The following SLC9B1 variants were observed in gnomAD, a reference collection of about 807,000 sequenced individuals.
SLC9B1 encodes the protein sodium/hydrogen exchanger 9B1.
A neutral mutation model predicts 51.7 loss-of-function variants in SLC9B1; 32 were observed. The ratio of observed to expected loss-of-function variants is 0.62; its 90% confidence interval spans 0.47 to 0.83. The LOEUF (loss-of-function observed/expected upper bound fraction) is 0.83, where lower values mean the gene tolerates loss of function less well. Among genes scored for constraint, SLC9B1 ranks in the 40% least tolerant of loss-of-function variants. The pLI is 0.00. For missense variants in SLC9B1, 406 were observed against 613.2 expected (o/e 0.66, Z 3.57); for synonymous variants, 145 against 212.7 (o/e 0.68, Z 2.77).
intron 11 of SLC9B1, among the ~76,000 whole-genome samples, chr4:102,905,089 G>A (rs1734962633): frequency 6.6e-6 from 1 of 152,070 alleles, no homozygotes; most frequent in African/African-American, 2.4e-5. Context: ...AGGAGGTTGA[G>A]GCTGCAGTGA....
chr4:102,906,465 A>T (rs1578334871), intron 10 of SLC9B1, 71 bp downstream of exon 10: 1 of 800,076 alleles, frequency 1.2e-6, no homozygotes, highest in East Asian at 2.8e-5. Context: ...ATTGTAAATA[A>T]AAATAAATGT....
At chr4:102,885,323 A>G in exon 12 of SLC9B1, 1 of 1,614,088 alleles carries the variant, frequency 6.2e-7, no homozygotes, top group Non-Finnish European at 8.5e-7. Flanking sequence ...GGATAGCTTG[A>G]TTAATCTTAA....
At chr4:102,946,030 G>A (rs1484823647) in intron 5 of SLC9B1, among the ~76,000 whole-genome samples, 1 of 152,074 alleles carries the variant, frequency 6.6e-6, no homozygotes, top group Non-Finnish European at 1.5e-5. Flanking sequence ...AAAAATTACT[G>A]AAATCCTTAA....
intron 11 of SLC9B1, among the ~76,000 whole-genome samples, chr4:102,894,299 T>C (rs1215643282): frequency 1.3e-5 from 2 of 152,160 alleles, no homozygotes; most frequent in African/African-American, 4.8e-5. Context: ...AAGGAACCAG[T>C]AGGAATAGCT....
downstream of SLC9B1, among the ~76,000 whole-genome samples, chr4:102,895,996 C>T (rs569647501): frequency 1.9e-4 from 29 of 152,274 alleles, no homozygotes; most frequent in South Asian, 6.0e-3. Flanking sequence ...TTAAACATTG[C>T]CCAGACATGC....
At chr4:102,910,091 A>G (rs1735267009) in intron 9 of SLC9B1, among the ~76,000 whole-genome samples, 3 of 152,294 alleles carry the variant, frequency 2.0e-5, no homozygotes, top group Admixed American at 6.5e-5. Context: ...CTGGGATTAC[A>G]GGCATGAGCC....
intron 6 of SLC9B1, among the ~76,000 whole-genome samples, chr4:102,933,720 C>T (rs1454627274): frequency 6.6e-6 from 1 of 151,956 alleles, no homozygotes; most frequent in Non-Finnish European, 1.5e-5. Context: ...CAGCTGGCTT[C>T]CCCAGGAATA....
At chr4:102,903,188 T>C (rs1383388393) in intron 11 of SLC9B1, among the ~76,000 whole-genome samples, 1 of 152,202 alleles carries the variant, frequency 6.6e-6, no homozygotes. Context: ...TACCTGCTTT[T>C]CTTTTTTCCC....
intron 3 of SLC9B1, among the ~76,000 whole-genome samples, chr4:102,986,092 A>C (rs537697020): frequency 6.6e-6 from 1 of 152,290 alleles, no homozygotes; most frequent in South Asian, 2.1e-4. Flanking sequence ...TTTCTGATCT[A>C]CATCATTTTC....
chr4:102,948,881 A>G lies in SLC9B1; in HGVS notation c.382+376T>C, dbSNP rs1329928332. Among the ~76,000 whole-genome samples, 12 of 152,276 alleles carry G rather than the reference A, an allele frequency of 7.9e-5. No homozygotes were observed. The South Asian group carries it at 2.3e-3, about 29-fold the overall frequency. ...TGGGTATAGTATTCACTATTTGGTGATGGGTTCACTAGAGCCCAAATGTCA... is the reference window on the plus strand; with the variant it reads ...TGGGTATAGTATTCACTATTTGGTGGTGGGTTCACTAGAGCCCAAATGTCA... On this transcript the variant is annotated intron_variant, in intron 4 of 11. Coordinates refer to ENST00000296422, the MANE Select transcript of SLC9B1 (RefSeq NM_139173.4).
intron 7 of SLC9B1, among the ~76,000 whole-genome samples, chr4:102,927,487 C>G (rs1251324903): frequency 6.6e-6 from 1 of 152,234 alleles, no homozygotes; most frequent in African/African-American, 2.4e-5. Flanking sequence ...CTCATCATCA[C>G]TGGTCATCAG....
intron 6 of SLC9B1, 65 bp from the exon 7 acceptor site, chr4:102,932,364 A>G (rs1197331193): frequency 2.2e-6 from 3 of 1,351,890 alleles, no homozygotes; most frequent in Non-Finnish European, 3.1e-6. Flanking sequence ...TTATAAGTAC[A>G]AGTAGTTTAT....
chr4:102,959,994 G>T (rs58854574), intron 3 of SLC9B1, among the ~76,000 whole-genome samples: 3 of 145,372 alleles, frequency 2.1e-5, no homozygotes, highest in Admixed American at 6.9e-5. Context: ...CAAAATAAAA[G>T]TTTTTTTTTT....
At chr4:102,925,533 C>T (rs967237617) in intron 7 of SLC9B1, among the ~76,000 whole-genome samples, 7 of 151,910 alleles carry the variant, frequency 4.6e-5, no homozygotes, top group Non-Finnish European at 1.0e-4. Flanking sequence ...CACATGTACC[C>T]TAGAACTTAA....
At chr4:103,004,459 C>T (rs1740682769) in intron 1 of SLC9B1, among the ~76,000 whole-genome samples, 1 of 152,132 alleles carries the variant, frequency 6.6e-6, no homozygotes, top group African/African-American at 2.4e-5. Flanking sequence ...TACAACTCAT[C>T]TATGTCCCAG....
chr4:103,017,504 T>A (rs1219726875), intron 1 of SLC9B1, among the ~76,000 whole-genome samples: 1 of 152,178 alleles, frequency 6.6e-6, no homozygotes, highest in Non-Finnish European at 1.5e-5. Flanking sequence ...TGTACCACTT[T>A]CTCTACATTT....
chr4:102,897,932 G>C (rs13114179), downstream of SLC9B1: 1 of 367,070 alleles, frequency 2.7e-6, no homozygotes, highest in Non-Finnish European at 5.3e-6. Flanking sequence ...CCAAGTTACC[G>C]TGCAGCAGCC....
intron 11 of SLC9B1, among the ~76,000 whole-genome samples, chr4:102,885,855 A>G (rs944672723): frequency 7.9e-5 from 12 of 152,224 alleles, no homozygotes; most frequent in Non-Finnish European, 5.9e-5. Flanking sequence ...TCCACATTAC[A>G]TATCTTTGAG....
At chr4:102,927,497 G>C (rs1220873838) in intron 7 of SLC9B1, among the ~76,000 whole-genome samples, 1 of 152,186 alleles carries the variant, frequency 6.6e-6, no homozygotes. Flanking sequence ...CTGGTCATCA[G>C]AGAAATGCAA....
Sources: gnomAD v4.1 joint callset for allele counts (sites outside exome capture counted in the v4.1 genomes callset) on GRCh38, gnomAD v4.1.1 for gene constraint, MANE v1.5 for transcripts, NCBI Gene and HGNC (gene_info 2026-07-23, HGNC 2026-07-21) for gene names.